SSBP2: variants seen among roughly 807,000 people sequenced by gnomAD.
The protein encoded by SSBP2 is single-stranded DNA-binding protein 2.
In SSBP2, 17 loss-of-function variants were observed where a neutral mutation model predicts 61.8. The observed-to-expected ratio is 0.28, with a 90% CI of 0.19 to 0.41. SSBP2 has a LOEUF of 0.41. SSBP2 is among the 10% of genes least tolerant of loss of function. SSBP2 has a pLI of 1.00. For synonymous variants in SSBP2, 139 were observed against 141.3 expected, an observed-to-expected ratio of 0.98 and a Z score of 0.12; for missense variants, 310 against 458.7, an observed-to-expected ratio of 0.68 and a Z score of 2.96.
chr5:81,625,070 T>C (rs1747007049), intron 3 of SSBP2, among the ~76,000 whole-genome samples: 2 of 152,164 alleles, frequency 1.3e-5, no homozygotes, highest in Non-Finnish European at 2.9e-5. Context: ...TGATGTAAGG[T>C]TATATAGTAT....
At chr5:81,578,758 T>G (rs934773996) in intron 4 of SSBP2, among the ~76,000 whole-genome samples, 3 of 151,926 alleles carry the variant, frequency 2.0e-5, no homozygotes, top group Admixed American at 2.0e-4. Context: ...AAAAAGCAAT[T>G]ATCAACTTTC....
At chr5:81,750,876 G>A in intron 1 of SSBP2, 105 bp downstream of exon 1, 7 of 1,296,424 alleles carry the variant, frequency 5.4e-6, no homozygotes, top group Non-Finnish European at 6.5e-6. Context: ...CCCACCCCCG[G>A]CGCTCCCCGG....
intron 5 of SSBP2, among the ~76,000 whole-genome samples, chr5:81,489,587 A>G (rs1766700200): frequency 6.6e-6 from 1 of 152,218 alleles, no homozygotes; most frequent in Non-Finnish European, 1.5e-5. Flanking sequence ...TTATTAAGGC[A>G]ATAATATCTA....
chr5:81,584,559 T>C lies in SSBP2; in HGVS notation c.282+30914A>G, dbSNP rs189977270. On this transcript the variant is annotated intron_variant, in intron 4 of 16. Transcript: ENST00000320672. ...CTCTCCAAGTTGTTCAGTGGTATGCTAGAGGAAAACACAGGAAACAAAGGC... is the reference window on the plus strand; with the variant it reads ...CTCTCCAAGTTGTTCAGTGGTATGCCAGAGGAAAACACAGGAAACAAAGGC... Among the ~76,000 whole-genome samples, 10 of 152,216 alleles carry C rather than the reference T, an allele frequency of 6.6e-5. No individual in the cohort carries two copies. In the East Asian group the frequency reaches 1.9e-3, roughly 29 times the overall value.
intron 4 of SSBP2, among the ~76,000 whole-genome samples, chr5:81,545,838 T>C (rs541677810): frequency 3.0e-4 from 45 of 152,330 alleles, no homozygotes; most frequent in Non-Finnish European, 5.4e-4. Context: ...AACTGATTTA[T>C]AAAAAGGCAG....
chr5:81,509,893 A>G (rs1768464892), intron 5 of SSBP2, among the ~76,000 whole-genome samples: 1 of 152,194 alleles, frequency 6.6e-6, no homozygotes, highest in Non-Finnish European at 1.5e-5. Flanking sequence ...AAGGCCTATC[A>G]AACATAACTA....
chr5:81,520,298 T>A (rs1166278700), intron 4 of SSBP2, among the ~76,000 whole-genome samples: 1 of 152,126 alleles, frequency 6.6e-6, no homozygotes, highest in Non-Finnish European at 1.5e-5. Context: ...TTTCCCCTTT[T>A]TAAAATGCAA....
intron 4 of SSBP2, among the ~76,000 whole-genome samples, chr5:81,610,373 A>G (rs1031843204): frequency 3.3e-5 from 5 of 152,234 alleles, no homozygotes; most frequent in Non-Finnish European, 7.3e-5. Context: ...TGTCTTCTTT[A>G]AAAAGATATT....
chr5:81,427,143 G>A (rs1049219663), intron 16 of SSBP2, among the ~76,000 whole-genome samples: 12 of 152,134 alleles, frequency 7.9e-5, no homozygotes, highest in East Asian at 3.8e-4. Flanking sequence ...AAAATTACTC[G>A]AAAAGGAAAT....
chr5:81,451,437 AT>A (rs1220762761), intron 10 of SSBP2, among the ~76,000 whole-genome samples: 1 of 151,150 alleles, frequency 6.6e-6, no homozygotes, highest in East Asian at 1.9e-4. Flanking sequence ...CTATTTATTT[AT>A]TTTTTGAGAT....
intron 10 of SSBP2, among the ~76,000 whole-genome samples, chr5:81,454,072 C>G (rs566666411): frequency 3.3e-5 from 5 of 152,220 alleles, no homozygotes; most frequent in African/African-American, 1.2e-4. Flanking sequence ...ATGTTTCAGG[C>G]ACTTCATTGC....
At chr5:81,431,007 T>TA (rs1762250954) in intron 15 of SSBP2, among the ~76,000 whole-genome samples, 3 of 152,164 alleles carry the variant, frequency 2.0e-5, no homozygotes, top group African/African-American at 7.2e-5. Context: ...GACATGATGA[T>TA]ATGGGCTAAA....
At chr5:81,544,283 G>A (rs1276620106) in intron 4 of SSBP2, among the ~76,000 whole-genome samples, 4 of 152,022 alleles carry the variant, frequency 2.6e-5, no homozygotes, top group South Asian at 2.1e-4. Flanking sequence ...TCCTGACCTC[G>A]TGATCCGCCC....
At chr5:81,421,652 G>A (rs1021317218) in intron 16 of SSBP2, among the ~76,000 whole-genome samples, 1 of 152,164 alleles carries the variant, frequency 6.6e-6, no homozygotes, top group African/African-American at 2.4e-5. Flanking sequence ...GAAATAAAGA[G>A]CAACTATTTT....
At chr5:81,713,685 A>G in intron 1 of SSBP2, among the ~76,000 whole-genome samples, 1 of 152,174 alleles carries the variant, frequency 6.6e-6, no homozygotes, top group East Asian at 1.9e-4. Context: ...ACTCTTTAGA[A>G]CTTTTTTTAG....
intron 8 of SSBP2, among the ~76,000 whole-genome samples, chr5:81,470,758 A>G (rs1042889967): frequency 6.6e-6 from 1 of 151,930 alleles, no homozygotes; most frequent in Non-Finnish European, 1.5e-5. Flanking sequence ...AATAAGGCAG[A>G]TATCTTCTGC....
chr5:81,731,857 T>C (rs1390593471), intron 1 of SSBP2, among the ~76,000 whole-genome samples: 1 of 151,020 alleles, frequency 6.6e-6, no homozygotes, highest in African/African-American at 2.4e-5. Flanking sequence ...ATAATTGATA[T>C]AATAATATTA....
rs146764771 is a variant in SSBP2, at chr5:81,630,694, C to T, written c.197+5863G>A. 1.0e-4 allele frequency among the ~76,000 whole-genome samples: 15 copies of T among 149,720 alleles called. No homozygotes were observed. In the East Asian group the frequency reaches 2.9e-3, roughly 29 times the overall value. ...CCATGGAAGAAGGGATCCCCTGAAT[C>T]TAAGAGCCACAGAAAAAGGAAAAAA... On this transcript the variant is annotated intron_variant, in intron 3 of 16. Transcript: ENST00000320672.
chr5:81,692,979 G>C (rs796849801), intron 1 of SSBP2, among the ~76,000 whole-genome samples: 1 of 152,100 alleles, frequency 6.6e-6, no homozygotes, highest in African/African-American at 2.4e-5. Context: ...GCTGAGGTGG[G>C]TGGATCACGA....
Sources: allele counts gnomAD v4.1 joint callset (sites outside exome capture counted in the v4.1 genomes callset), GRCh38; gene constraint gnomAD v4.1.1; transcripts MANE v1.5; gene names NCBI Gene and HGNC (gene_info 2026-07-23, HGNC 2026-07-21).